MAP4: variants seen among roughly 807,000 people sequenced by gnomAD.
MAP4 encodes microtubule associated protein 4.
A neutral mutation model predicts 170.2 loss-of-function variants in MAP4; 76 were observed. The observed-to-expected ratio is 0.45, with a 90% CI of 0.37 to 0.54. The LOEUF (loss-of-function observed/expected upper bound fraction) is 0.54, where lower values mean the gene tolerates loss of function less well. Among genes scored for constraint, MAP4 ranks in the 20% least tolerant of loss-of-function variants. The pLI is 0.00. For missense variants in MAP4, 2,506 were observed against 2,748.0 expected, an observed-to-expected ratio of 0.91 and a Z score of 1.97; for synonymous variants, 909 against 994.5, an observed-to-expected ratio of 0.91 and a Z score of 1.62.
intron 10 of MAP4, chr3:47,891,146 G>A (rs1229409306): frequency 5.2e-6 from 8 of 1,536,048 alleles, no homozygotes; most frequent in Non-Finnish European, 7.0e-6. Flanking sequence ...GCAAACCTGC[G>A]AGCATGAATC....
intron 3 of MAP4, among the ~76,000 whole-genome samples, chr3:47,962,954 T>G (rs1421601108): frequency 2.0e-5 from 3 of 152,242 alleles, no homozygotes; most frequent in African/African-American, 7.2e-5. Context: ...TGACATAGTT[T>G]TGCATCTTCT....
rs74790163 is a variant in MAP4 at position 47,908,353 on chromosome 3, T to G, written c.5383+685A>C. Among the ~76,000 whole-genome samples, 672 of 152,322 alleles carry G rather than the reference T, an allele frequency of 4.4e-3. 1 individual carries two copies. Among genetic ancestry groups the G allele is most frequent in the Middle Eastern group, 0.017 (5 of 292 alleles). ...CAACATGGGCAAGTTTTATGGACTA[T>G]GTTTGATGGACACAGACTATGCCCA... On this transcript the variant is annotated intron_variant, in intron 9 of 20. Coordinates refer to ENST00000683076, the MANE Select transcript of MAP4 (RefSeq NM_001385682.1).
chr3:47,875,789 G>A lies in MAP4; in HGVS notation c.5653C>T (p.Pro1885Ser), dbSNP rs1359899233. ...ACTAAGCCTGAAGCAAGGCTCATGG[G>A]TTTTTTATTCAACCCACCAATGGTG... The part of the protein sequence containing the change: ...PTTIGGLNKK[P>S]MSLASGLVPA... The change falls in exon 12 of 21, where the codon CCC becomes TCC. Residue 1885 changes from proline to serine, a missense_variant. By Grantham distance (74) the Pro-to-Ser change is moderately conservative. Coordinates refer to ENST00000683076, the MANE Select transcript of MAP4 (RefSeq NM_001385682.1). 1 of 1,613,954 alleles carries A rather than the reference G, an allele frequency of 6.2e-7. No individual in the cohort carries two copies. The highest frequency in any genetic ancestry group is 8.5e-7 in the Non-Finnish European group (1 of 1,180,024).
intron 1 of MAP4, among the ~76,000 whole-genome samples, chr3:48,022,817 G>A (rs973067523): frequency 7.9e-5 from 12 of 152,148 alleles, no homozygotes; most frequent in Admixed American, 7.2e-4. Context: ...CTTGAACCCG[G>A]GAGGCAGAGG....
intron 12 of MAP4, 74 bp from the exon 13 acceptor site, chr3:47,872,174 T>C (rs2093538964): frequency 7.5e-7 from 1 of 1,326,410 alleles, no homozygotes; most frequent in Non-Finnish European, 1.0e-6. Context: ...AAGATGCTTC[T>C]TTTTTTGTTT....
At chr3:47,885,633 T>C (rs1360148407) in intron 10 of MAP4, among the ~76,000 whole-genome samples, 1 of 152,212 alleles carries the variant, frequency 6.6e-6, no homozygotes, top group Non-Finnish European at 1.5e-5. Flanking sequence ...TTGAACCATA[T>C]GTACTTTTAG....
At chr3:47,994,969 C>G (rs1024297429) in intron 2 of MAP4, among the ~76,000 whole-genome samples, 2 of 150,254 alleles carry the variant, frequency 1.3e-5, no homozygotes, top group Non-Finnish European at 3.0e-5. Flanking sequence ...AAAAAAAGTT[C>G]ATTAACTCAG....
intron 1 of MAP4, among the ~76,000 whole-genome samples, chr3:48,077,697 C>T (rs2100144669): frequency 6.6e-6 from 1 of 152,028 alleles, no homozygotes; most frequent in South Asian, 2.1e-4. Flanking sequence ...AATTCTCCTT[C>T]TAGGTATTTA....
intron 1 of MAP4, among the ~76,000 whole-genome samples, chr3:48,052,134 A>C (rs2100128237): frequency 6.6e-6 from 1 of 152,216 alleles, no homozygotes; most frequent in African/African-American, 2.4e-5. Context: ...GCCAACTGAG[A>C]GCCATACACC....
Position 47,872,107 on chromosome 3 carries a change from A to G in MAP4, c.5758-7T>C. 6.2e-7 allele frequency: 1 copy of G among 1,602,716 alleles called. No individual in the cohort carries two copies. Among genetic ancestry groups the G allele is most frequent in the Non-Finnish European group, 8.5e-7 (1 of 1,172,724 alleles). On this transcript the variant is annotated splice_polypyrimidine_tract_variant and splice_region_variant and intron_variant, in intron 12 of 20. Coordinates refer to ENST00000683076, the MANE Select transcript of MAP4 (RefSeq NM_001385682.1). ...CCTTTGCATCTGCAATGGGCTGGAA[A>G]TAGGAAAGTGGGAATGAGGCCTGCA...
At chr3:47,989,243 T>C (rs1026338872) in intron 2 of MAP4, among the ~76,000 whole-genome samples, 2 of 152,238 alleles carry the variant, frequency 1.3e-5, no homozygotes, top group African/African-American at 4.8e-5. Context: ...AGACCACATC[T>C]CTATTTAAAA....
Position 48,074,502 on chromosome 3 carries a change from AC to A in MAP4, c.-20+14270del, listed in dbSNP as rs2100142662. Reference sequence around the variant, plus strand: ...TACAAAATACATTATATATATATATACACACACTTTTTTTTTTTTTTTTTTT... The same window carrying A: ...TACAAAATACATTATATATATATATAACACACTTTTTTTTTTTTTTTTTTT... On this transcript the variant is annotated intron_variant, in intron 1 of 18. Coordinates refer to the MAP4 transcript ENST00000360240. Among the ~76,000 whole-genome samples the A allele has an allele frequency of 2.7e-5, 4 of 147,488 alleles. No individual in the cohort carries two copies. In the South Asian group the frequency reaches 8.4e-4, roughly 31 times the overall value.
intron 17 of MAP4, among the ~76,000 whole-genome samples, chr3:47,858,894 T>C (rs912561854): frequency 1.4e-4 from 22 of 152,132 alleles, no homozygotes; most frequent in East Asian, 1.9e-4. Flanking sequence ...TTTGGGAGGC[T>C]AAGGCGGGCG....
upstream of MAP4, among the ~76,000 whole-genome samples, chr3:48,020,780 T>G (rs569889868): frequency 6.6e-6 from 1 of 152,104 alleles, no homozygotes; most frequent in African/African-American, 2.4e-5. Flanking sequence ...ATGAGTATTA[T>G]TTGTTGTTGT....
rs1212693198 is a variant in MAP4 at position 47,867,248 on chromosome 3, T to C, written c.6499A>G (p.Asn2167Asp). 6.2e-7 allele frequency: 1 copy of C among 1,606,856 alleles called. No homozygotes were observed. Among genetic ancestry groups the C allele is most frequent in the African/African-American group, 1.3e-5 (1 of 74,878 alleles). Residue 2167 changes from asparagine (N) to aspartate (D), a missense_variant and splice_region_variant, in exon 17 of 21, where the codon AAT (asparagine) becomes GAT (aspartate). Asn to Asp is a conservative substitution (Grantham distance 23, BLOSUM62 1). Transcript: ENST00000683076. The stretch of plus-strand genomic sequence containing the variant: ...AGCTAACCAGAGCTTATACTTACAT[T>C]ACCACCTCCAGGGACATGCTTAATA... The part of the protein sequence containing the change: ...DNIKHVPGGG[N>D]VQIQNKKVDI...
At chr3:47,983,841 A>G (rs1236529529) in intron 2 of MAP4, among the ~76,000 whole-genome samples, 6 of 152,228 alleles carry the variant, frequency 3.9e-5, no homozygotes, top group Admixed American at 6.5e-5. Context: ...CTTTAATTCA[A>G]TGCTACTTTA....
intron 2 of MAP4, among the ~76,000 whole-genome samples, chr3:47,992,253 A>G (rs1271729088): frequency 6.6e-6 from 1 of 152,116 alleles, no homozygotes; most frequent in Non-Finnish European, 1.5e-5. Flanking sequence ...TAAAGAACTC[A>G]CTAATTGCAC....
At chr3:48,014,032 G>C (rs1363813269) in intron 1 of MAP4, among the ~76,000 whole-genome samples, 2 of 152,164 alleles carry the variant, frequency 1.3e-5, no homozygotes, top group African/African-American at 4.8e-5. Context: ...ATGGCATGAT[G>C]ATAAAATACT....
At chr3:47,924,789 C>T (rs1484961004) in intron 4 of MAP4, among the ~76,000 whole-genome samples, 1 of 151,516 alleles carries the variant, frequency 6.6e-6, no homozygotes, top group African/African-American at 2.4e-5. Context: ...TTAGTAAACA[C>T]AGAGTGATCA....
Sources: gnomAD v4.1 joint callset for allele counts (sites outside exome capture counted in the v4.1 genomes callset) on GRCh38, gnomAD v4.1.1 for gene constraint, MANE v1.5 for transcripts, NCBI Gene and HGNC (gene_info 2026-07-23, HGNC 2026-07-21) for gene names.